CASP6: variants seen among roughly 807,000 people sequenced by gnomAD.
CASP6 encodes caspase 6.
A neutral mutation model predicts 31.8 loss-of-function variants in CASP6; 20 were observed. That is an observed-to-expected ratio of 0.63 (90% CI 0.44 to 0.91). The LOEUF (loss-of-function observed/expected upper bound fraction) is 0.91. Ranked by LOEUF, CASP6 falls within the 40% of genes least tolerant of loss-of-function variation. The probability of loss-of-function intolerance (pLI) is 0.00; values close to 1 mark genes in which losing one functional copy is unlikely to be tolerated. For synonymous variants in CASP6, 130 were observed against 127.8 expected, an observed-to-expected ratio of 1.02 and a Z score of -0.12; for missense variants, 328 against 361.1, an observed-to-expected ratio of 0.91 and a Z score of 0.74.
At chr4:109,671,416 C>G in the CASP6 span, among the ~76,000 whole-genome samples, 1 of 151,658 alleles carries the variant, frequency 6.6e-6, no homozygotes, top group Non-Finnish European at 1.5e-5. Flanking sequence ...GTTTTTTTTC[C>G]ATTCTTTTTT....
Position 109,703,401 on chromosome 4 carries a change from C to A in CASP6, c.-6G>T, listed in dbSNP as rs1036226513. On this transcript the variant is annotated 5_prime_UTR_variant, in exon 1 of 7. Coordinates refer to ENST00000265164, the MANE Select transcript of CASP6 (RefSeq NM_001226.4). ...AGCCCCGAGGCCGAGCTCATTGCAG[C>A]CAAACGCGCAGCCAGACACCTTGCC... The A allele has an allele frequency of 9.3e-6, 15 of 1,611,858 alleles. No homozygotes were observed. Among genetic ancestry groups the A allele is most frequent in the Non-Finnish European group, 1.3e-5 (15 of 1,179,254 alleles).
downstream of CASP6, among the ~76,000 whole-genome samples, chr4:109,684,224 G>A (rs572921808): frequency 1.2e-3 from 179 of 151,950 alleles, 1 homozygote; most frequent in African/African-American, 3.8e-3. Flanking sequence ...CACCATGCCC[G>A]GCTAATTTTT....
chr4:109,703,724 T>G (rs1267983882), upstream of CASP6: 2 of 468,052 alleles, frequency 4.3e-6, no homozygotes, highest in Non-Finnish European at 7.6e-6. Context: ...ACAGACCGCC[T>G]AGCCCGAGGC....
At chr4:109,703,268 C>A in intron 1 of CASP6, 88 bp downstream of exon 1, 1 of 1,475,200 alleles carries the variant, frequency 6.8e-7, no homozygotes, top group Non-Finnish European at 9.2e-7. Flanking sequence ...CACTCCGGTC[C>A]GCGCGCCCGG....
chr4:109,705,390 G>C (rs1178968849), upstream of CASP6, among the ~76,000 whole-genome samples: 2 of 152,182 alleles, frequency 1.3e-5, no homozygotes, highest in Non-Finnish European at 2.9e-5. Context: ...TTCTGATAGA[G>C]ATGTACAGAG....
chr4:109,703,403 A>G lies in CASP6; in HGVS notation c.-8T>C, dbSNP rs747146584. Reference sequence around the variant, plus strand: ...CCCCGAGGCCGAGCTCATTGCAGCCAAACGCGCAGCCAGACACCTTGCCCT... The same window carrying G: ...CCCCGAGGCCGAGCTCATTGCAGCCGAACGCGCAGCCAGACACCTTGCCCT... On this transcript the variant is annotated 5_prime_UTR_variant, in exon 1 of 7. Transcript: ENST00000265164. 1 of 1,611,632 alleles carries G rather than the reference A, an allele frequency of 6.2e-7. No homozygotes were observed. Among genetic ancestry groups the G allele is most frequent in the South Asian group, 1.1e-5 (1 of 90,530 alleles).
the CASP6 span, among the ~76,000 whole-genome samples, chr4:109,680,084 G>A: frequency 2.0e-5 from 3 of 152,156 alleles, no homozygotes; most frequent in Non-Finnish European, 2.9e-5. Flanking sequence ...TTACAGGCGT[G>A]AACCACCTCA....
the CASP6 span, among the ~76,000 whole-genome samples, chr4:109,667,003 G>A: frequency 1.3e-5 from 2 of 152,028 alleles, no homozygotes; most frequent in African/African-American, 2.4e-5. Flanking sequence ...ATTTTGCTGA[G>A]GATTTTTGTG....
chr4:109,708,197 G>A (rs1433488519), upstream of CASP6, among the ~76,000 whole-genome samples: 2 of 152,066 alleles, frequency 1.3e-5, no homozygotes, highest in Non-Finnish European at 2.9e-5. Context: ...ATCAAAGAAG[G>A]GTTTTTACTC....
the CASP6 span, chr4:109,682,446 T>G: frequency 8.8e-6 from 6 of 678,436 alleles, no homozygotes; most frequent in African/African-American, 7.2e-5. Flanking sequence ...CACCTTTGTT[T>G]ACATGTTTGT....
the CASP6 span, among the ~76,000 whole-genome samples, chr4:109,672,088 A>T: frequency 5.9e-4 from 90 of 151,942 alleles, no homozygotes; most frequent in African/African-American, 1.8e-3. Context: ...ATATATATAT[A>T]TTTTTAATTG....
the CASP6 span, among the ~76,000 whole-genome samples, chr4:109,677,405 T>C: frequency 6.6e-6 from 1 of 152,178 alleles, no homozygotes; most frequent in South Asian, 2.1e-4. Context: ...GAGTAGATGC[T>C]TGGGGCTCTT....
intron 5 of CASP6, among the ~76,000 whole-genome samples, chr4:109,693,719 G>C (rs1730148211): frequency 6.8e-6 from 1 of 147,846 alleles, no homozygotes; most frequent in Non-Finnish European, 1.5e-5. Context: ...GATGTGCCAA[G>C]TAATATTCAT....
At chr4:109,706,131 TTATATA>T (rs58847180), upstream of CASP6, among the ~76,000 whole-genome samples, 24 of 36,096 alleles carry the variant, frequency 6.6e-4, no homozygotes, top group Admixed American at 1.2e-3. Context: ...CCTATCCATT[TTATATA>T]TATATATATA....
the CASP6 span, chr4:109,664,403 C>T: frequency 2.7e-5 from 25 of 939,506 alleles, no homozygotes; most frequent in Middle Eastern, 2.7e-4. Flanking sequence ...AGGTAAGAAA[C>T]ACAGCTATCC....
intron 1 of CASP6, among the ~76,000 whole-genome samples, chr4:109,700,695 C>T (rs1027896979): frequency 1.3e-5 from 2 of 152,160 alleles, no homozygotes; most frequent in Non-Finnish European, 2.9e-5. Context: ...AACTTACCTT[C>T]ACTCTCACAA....
chr4:109,690,717 TTCTAAG>T, intron 6 of CASP6, 127 bp downstream of exon 6: 1 of 870,736 alleles, frequency 1.1e-6, no homozygotes, highest in South Asian at 1.9e-5. Flanking sequence ...GTCAAAGAAA[TTCTAAG>T]TCTGTGAGCT....
At chr4:109,702,218 C>T (rs762780278) in intron 1 of CASP6, among the ~76,000 whole-genome samples, 2 of 152,208 alleles carry the variant, frequency 1.3e-5, no homozygotes, top group South Asian at 2.1e-4. Context: ...ACCTCCTCTA[C>T]GACCATGTGA....
chr4:109,698,394 A>G, intron 1 of CASP6, 52 bp from the exon 2 acceptor site: 1 of 1,502,462 alleles, frequency 6.7e-7, no homozygotes, highest in South Asian at 1.2e-5. Context: ...TGGCAGTAAA[A>G]TATAGTAGGA....
Sources: allele counts gnomAD v4.1 joint callset (sites outside exome capture counted in the v4.1 genomes callset), GRCh38; gene constraint gnomAD v4.1.1; transcripts MANE v1.5; gene names NCBI Gene and HGNC (gene_info 2026-07-23, HGNC 2026-07-21).